Variants in PHRF1 observed in about 807,000 individuals in gnomAD.
PHRF1 encodes PHD and RING finger domain-containing protein 1.
In PHRF1, 53 loss-of-function variants were observed where a neutral mutation model predicts 128.9. The ratio of observed to expected loss-of-function variants is 0.41; its 90% CI spans 0.33 to 0.52. PHRF1 has a LOEUF of 0.52. Ranked by LOEUF, PHRF1 falls within the 20% of genes least tolerant of loss-of-function variation. PHRF1 has a pLI of 0.21. For missense variants in PHRF1, 2,503 were observed against 2,284.5 expected (o/e 1.10, Z -1.95); for synonymous variants, 1,178 against 980.6 (o/e 1.20, Z -3.76).
rs2132896286 is a variant in PHRF1 at position 587,358 on chromosome 11, C to G, written c.314C>G (p.Ala105Gly). ...GGCTCTTTCAATTCTGATGATGATG[C>G]AGAGAGCTGCCCAATCTGTCTCAAC... ...AAGSFNSDDD[A>G]ESCPICLNAF... The change falls in exon 4 of 18, where the codon GCA (alanine) becomes GGA (glycine). Residue 105 changes from alanine to glycine, a missense_variant. By Grantham distance (60) the Ala-to-Gly change is moderately conservative. Coordinates refer to ENST00000264555, the MANE Select transcript of PHRF1 (RefSeq NM_001286581.2). 1.9e-6 allele frequency: 3 copies of G among 1,613,876 alleles called. No homozygotes were observed. Among genetic ancestry groups the G allele is most frequent in the Non-Finnish European group, 2.5e-6 (3 of 1,179,902 alleles).
rs1564861995 is a variant in PHRF1, at chr11:606,576, C to G, written c.1589C>G (p.Ser530Cys). 1 of 1,607,016 alleles carries G rather than the reference C, an allele frequency of 6.2e-7. No individual in the cohort carries two copies. ...SSDVIIHRDG[S>C]LSAKRAAPVS... ...GATGTCATCATCCACCGCGACGGCT[C>G]CCTCAGCGCCAAGAGGGCGGGTGAG... Residue 530 changes from serine to cysteine, a missense_variant, in exon 13 of 18, where the codon TCC becomes TGC. Coordinates refer to ENST00000264555, the MANE Select transcript of PHRF1 (RefSeq NM_001286581.2).
At chr11:604,008 A>G (rs1589892900) in intron 10 of PHRF1, among the ~76,000 whole-genome samples, 1 of 151,962 alleles carries the variant, frequency 6.6e-6, no homozygotes, top group Non-Finnish European at 1.5e-5. Context: ...TGGCCCTCTT[A>G]TTTTAGTTTT....
chr11:595,719 G>A (rs1004264922), intron 6 of PHRF1, among the ~76,000 whole-genome samples: 4 of 152,364 alleles, frequency 2.6e-5, no homozygotes, highest in South Asian at 2.1e-4. Flanking sequence ...CAGGTGAGCC[G>A]CAGCCTCCTC....
intron 3 of PHRF1, among the ~76,000 whole-genome samples, chr11:584,593 G>A (rs913102580): frequency 5.9e-5 from 9 of 152,096 alleles, no homozygotes; most frequent in Non-Finnish European, 7.4e-5. Flanking sequence ...AGGCCAGGAC[G>A]GGGGAGCTGT....
At chr11:598,552 G>C in intron 9 of PHRF1, 50 bp downstream of exon 9, 7 of 1,565,284 alleles carry the variant, frequency 4.5e-6, no homozygotes, top group Non-Finnish European at 6.0e-6. Flanking sequence ...TGGGACCCAC[G>C]CCCGAGGTCC....
At chr11:598,592 T>A in intron 9 of PHRF1, 90 bp downstream of exon 9, 1 of 1,459,702 alleles carries the variant, frequency 6.9e-7, no homozygotes, top group East Asian at 2.5e-5. Flanking sequence ...GCTGTGGGCA[T>A]TTCCATTTCT....
At chr11:611,193 C>A in intron 17 of PHRF1, 111 bp downstream of exon 17, 1 of 1,517,182 alleles carries the variant, frequency 6.6e-7, no homozygotes, top group Non-Finnish European at 8.9e-7. Flanking sequence ...CGAGGTCAGC[C>A]AGCCAGGTTA....
intron 4 of PHRF1, among the ~76,000 whole-genome samples, chr11:589,166 A>G (rs1854772424): frequency 6.6e-6 from 1 of 152,124 alleles, no homozygotes; most frequent in African/African-American, 2.4e-5. Flanking sequence ...CTTACAGATG[A>G]ACTGTTAAAA....
chr11:611,225 C>CTACAGGATGTGGCAAT, intron 17 of PHRF1, 143 bp downstream of exon 17: 1 of 1,357,100 alleles, frequency 7.4e-7, no homozygotes, highest in Non-Finnish European at 1.0e-6. Flanking sequence ...GCTGTATTGC[C>CTACAGGATGTGGCAAT]ACATCCTGTA....
Position 609,403 on chromosome 11 carries a change from T to C in PHRF1, c.3947T>C (p.Val1316Ala), listed in dbSNP as rs891164250. Reference protein sequence around the residue: ...KPALPPASLAVAAIQREVSLM... With the variant: ...KPALPPASLAAAAIQREVSLM... ...GCGTTGCCCCCAGCCAGCCTGGCCG[T>C]GGCCGCCATCCAGAGGGAGGTGTCA... Residue 1316 changes from valine to alanine, a missense_variant, in exon 14 of 18, where the codon GTG becomes GCG. Coordinates refer to ENST00000264555, the MANE Select transcript of PHRF1 (RefSeq NM_001286581.2). 6 of 1,610,764 alleles carry C rather than the reference T, an allele frequency of 3.7e-6. No homozygotes were observed. The Admixed American group carries it at 5.0e-5, about 13-fold the overall frequency.
intron 17 of PHRF1, 111 bp downstream of exon 17, chr11:611,193 C>T: frequency 6.6e-7 from 1 of 1,517,182 alleles, no homozygotes. Flanking sequence ...CGAGGTCAGC[C>T]AGCCAGGTTA....
Position 608,379 on chromosome 11 carries a change from G to T in PHRF1, c.2923G>T (p.Asp975Tyr), listed in dbSNP as rs761379307. ...VVEPEAPPSP[D>Y]VLQAATHRVV... Reference sequence around the variant, plus strand: ...GGAGCCGGAAGCCCCACCCAGCCCGGACGTGCTGCAGGCTGCCACCCACAG... The same window carrying T: ...GGAGCCGGAAGCCCCACCCAGCCCGTACGTGCTGCAGGCTGCCACCCACAG... The change falls in exon 14 of 18, where the codon GAC (aspartate) becomes TAC (tyrosine). Residue 975 changes from aspartate to tyrosine, a missense_variant. Coordinates refer to ENST00000264555, the MANE Select transcript of PHRF1 (RefSeq NM_001286581.2). 1 of 1,611,522 alleles carries T rather than the reference G, an allele frequency of 6.2e-7. No individual in the cohort carries two copies. The highest frequency in any genetic ancestry group is 8.5e-7 in the Non-Finnish European group (1 of 1,179,496).
At chr11:606,987 A>G in intron 13 of PHRF1, 79 bp from the exon 14 acceptor site, 2 of 1,511,390 alleles carry the variant, frequency 1.3e-6, no homozygotes, top group East Asian at 2.3e-5. Context: ...ACAGAAAACC[A>G]GTTGTGATAA....
At chr11:598,247 C>A in intron 8 of PHRF1, 126 bp from the exon 9 acceptor site, 2 of 1,309,060 alleles carry the variant, frequency 1.5e-6, no homozygotes, top group Non-Finnish European at 2.0e-6. Flanking sequence ...GCTGCAGTGG[C>A]GGGTGGGGAG....
At chr11:601,520 G>A in intron 9 of PHRF1, 54 bp from the exon 10 acceptor site, 3 of 1,608,054 alleles carry the variant, frequency 1.9e-6, no homozygotes, top group Non-Finnish European at 2.5e-6. Context: ...TCACAGGAAT[G>A]GGGCAGGGAG....
intron 1 of PHRF1, among the ~76,000 whole-genome samples, chr11:580,060 A>C (rs546336868): frequency 6.6e-6 from 1 of 152,308 alleles, no homozygotes; most frequent in South Asian, 2.1e-4. Flanking sequence ...CTGGCCCCCT[A>C]CTTCCTGGCC....
chr11:583,124 A>C (rs1189036102), intron 3 of PHRF1, among the ~76,000 whole-genome samples: 1 of 151,436 alleles, frequency 6.6e-6, no homozygotes, highest in Non-Finnish European at 1.5e-5. Flanking sequence ...GCGGATCAGG[A>C]GGTCAGGAGA....
At chr11:589,600 C>T (rs1402668962) in intron 4 of PHRF1, among the ~76,000 whole-genome samples, 1 of 151,930 alleles carries the variant, frequency 6.6e-6, no homozygotes, top group Non-Finnish European at 1.5e-5. Flanking sequence ...GCCTGTGGGG[C>T]AGGTCAGCTG....
rs904852329 is a variant in PHRF1 at position 599,231 on chromosome 11, TTTTTCTTTTTTTTTTTC to T, written c.1024+746_1024+762del. On this transcript the variant is annotated intron_variant, in intron 9 of 17. Coordinates refer to ENST00000264555, the MANE Select transcript of PHRF1 (RefSeq NM_001286581.2). ...ATTAACTGTATTGAAGCATGCATAC[TTTTTCTTTTTTTTTTTC>T]TTTTCTTTTTTTTTTTTTTTTTTTG... Among the ~76,000 whole-genome samples the T allele has an allele frequency of 5.5e-4, 82 of 150,188 alleles. No individual in the cohort carries two copies. In the East Asian group the frequency reaches 6.6e-3, roughly 12 times the overall value.
Sources: allele counts gnomAD v4.1 joint callset (sites outside exome capture counted in the v4.1 genomes callset), GRCh38; gene constraint gnomAD v4.1.1; transcripts MANE v1.5; gene names NCBI Gene and HGNC (gene_info 2026-07-23, HGNC 2026-07-21).